CFI: variants seen among roughly 807,000 people sequenced by gnomAD.
CFI encodes the protein complement factor I.
In CFI, 66 loss-of-function variants were observed where a neutral mutation model predicts 78.8. The observed-to-expected ratio is 0.84, with a 90% CI of 0.69 to 1.03. The LOEUF is 1.03. Among genes scored for constraint, CFI ranks in the 50% least tolerant of loss-of-function variants. The pLI is 0.00. For missense variants in CFI, 706 were observed against 704.5 expected (o/e 1.00, Z -0.02); for synonymous variants, 250 against 232.6 (o/e 1.07, Z -0.68).
intron 1 of CFI, among the ~76,000 whole-genome samples, chr4:109,786,927 G>T (rs755283974): frequency 6.6e-6 from 1 of 152,040 alleles, no homozygotes; most frequent in African/African-American, 2.4e-5. Flanking sequence ...CGGGCACAGG[G>T]TGTATTACCC....
At chr4:109,776,874 G>T (rs1363473096) in intron 1 of CFI, among the ~76,000 whole-genome samples, 14 of 152,198 alleles carry the variant, frequency 9.2e-5, no homozygotes, top group Admixed American at 9.2e-4. Flanking sequence ...GACAAACTAA[G>T]CTTCATAAGT....
At chr4:109,778,098 C>A (rs1729511555) in intron 1 of CFI, among the ~76,000 whole-genome samples, 1 of 152,046 alleles carries the variant, frequency 6.6e-6, no homozygotes, top group South Asian at 2.1e-4. Flanking sequence ...CAAACACATT[C>A]AAAAGCTAGC....
At chr4:109,754,797 C>G (rs1410524809) in intron 7 of CFI, among the ~76,000 whole-genome samples, 1 of 152,188 alleles carries the variant, frequency 6.6e-6, no homozygotes, top group Non-Finnish European at 1.5e-5. Context: ...TATTCACATT[C>G]AATGCCCAAC....
Position 109,766,494 on chromosome 4 carries a change from G to A in CFI, c.328+60C>T, listed in dbSNP as rs1391500102. On this transcript the variant is annotated intron_variant, in intron 2 of 12. Transcript: ENST00000394634. ...CAAGAGAATTATTTTCTGATAGAAA[G>A]TATGGCATACAAATACCCTTTTATA... 4 of 1,562,510 alleles carry A rather than the reference G, an allele frequency of 2.6e-6. No individual in the cohort carries two copies. The African/African-American group carries it at 5.4e-5, about 21-fold the overall frequency.
intron 1 of CFI, among the ~76,000 whole-genome samples, chr4:109,772,821 C>T (rs993511267): frequency 6.6e-6 from 1 of 152,106 alleles, no homozygotes; most frequent in Non-Finnish European, 1.5e-5. Context: ...TGGCCTTAAA[C>T]AATCCTCCCA....
In CFI at chr4:109,766,567, T is replaced by C. The variant is rs61745205; in HGVS notation, c.315A>G (p.Thr105=). 9 of 1,614,106 alleles carry C rather than the reference T, an allele frequency of 5.6e-6. No individual in the cohort carries two copies. The highest frequency in any genetic ancestry group is 6.8e-6 in the Non-Finnish European group (8 of 1,180,030). ...GTCTCTTGCTACCTTCGGCTGTGCA[T>C]GTTCCGTTATTTAAAAACTTTGTCC... ...HPGTKFLNNG[T]CTAEGKFSVS... is the part of the protein sequence containing the mutation. The change falls in exon 2 of 13, where the codon ACA becomes ACG. Residue 105 remains threonine (T), a synonymous_variant. Coordinates refer to ENST00000394634, the MANE Select transcript of CFI (RefSeq NM_000204.5).
At chr4:109,743,028 T>TA (rs1170504767) in intron 11 of CFI, among the ~76,000 whole-genome samples, 2 of 152,220 alleles carry the variant, frequency 1.3e-5, no homozygotes. Flanking sequence ...AGGAAATACA[T>TA]ACGAAGTTAT....
chr4:109,766,035 A>G (rs1474757025), intron 2 of CFI, among the ~76,000 whole-genome samples: 1 of 151,978 alleles, frequency 6.6e-6, no homozygotes, highest in African/African-American at 2.4e-5. Flanking sequence ...GGAGAATGGC[A>G]TGAACCCGGG....
intron 7 of CFI, among the ~76,000 whole-genome samples, chr4:109,756,727 G>A (rs1196360263): frequency 2.0e-5 from 3 of 151,548 alleles, no homozygotes; most frequent in Non-Finnish European, 2.9e-5. Context: ...AGGTGTGGTG[G>A]CACGTGCCTG....
intron 1 of CFI, among the ~76,000 whole-genome samples, chr4:109,790,744 C>T (rs1034117230): frequency 5.9e-5 from 9 of 152,120 alleles, no homozygotes; most frequent in African/African-American, 2.2e-4. Flanking sequence ...CTGGCTCCAT[C>T]CATGTTCCTG....
At chr4:109,799,562 T>C (rs533131932) in intron 1 of CFI, among the ~76,000 whole-genome samples, 2 of 152,296 alleles carry the variant, frequency 1.3e-5, no homozygotes, top group Admixed American at 1.3e-4. Flanking sequence ...AAATCTAAGA[T>C]ACATGAAGAA....
At chr4:109,770,157 G>A (rs1728382602) in intron 1 of CFI, among the ~76,000 whole-genome samples, 1 of 152,172 alleles carries the variant, frequency 6.6e-6, no homozygotes, top group Non-Finnish European at 1.5e-5. Context: ...CCAAAATGGA[G>A]TCACTTATGC....
chr4:109,777,558 C>T (rs1178764713), intron 1 of CFI, among the ~76,000 whole-genome samples: 3 of 152,056 alleles, frequency 2.0e-5, no homozygotes, highest in Non-Finnish European at 4.4e-5. Flanking sequence ...CCACTGTCAA[C>T]ATTAGACAGA....
chr4:109,783,958 C>T (rs1730403008), intron 1 of CFI, among the ~76,000 whole-genome samples: 1 of 151,338 alleles, frequency 6.6e-6, no homozygotes, highest in Middle Eastern at 3.2e-3. Context: ...ATCGTACGTT[C>T]TCACTGATAT....
chr4:109,744,333 T>C (rs1307404287), intron 11 of CFI, among the ~76,000 whole-genome samples: 1 of 152,214 alleles, frequency 6.6e-6, no homozygotes, highest in East Asian at 1.9e-4. Flanking sequence ...TATGGTTTAA[T>C]ATACTCCAGG....
chr4:109,788,383 G>C (rs1731003444), intron 1 of CFI, among the ~76,000 whole-genome samples: 1 of 152,008 alleles, frequency 6.6e-6, no homozygotes, highest in South Asian at 2.1e-4. Context: ...CTTGATTACA[G>C]AGTATATATT....
At chr4:109,758,953 C>A (rs181664967) in intron 6 of CFI, among the ~76,000 whole-genome samples, 1 of 152,128 alleles carries the variant, frequency 6.6e-6, no homozygotes, top group Non-Finnish European at 1.5e-5. Context: ...ATTAGCCAAG[C>A]GTGATGGCAC....
At chr4:109,797,960 A>G (rs1732270018) in intron 1 of CFI, among the ~76,000 whole-genome samples, 1 of 152,232 alleles carries the variant, frequency 6.6e-6, no homozygotes, top group Non-Finnish European at 1.5e-5. Context: ...GAATTGATAA[A>G]GAAAATGTGG....
chr4:109,782,860 C>T (rs1730237975), intron 1 of CFI, among the ~76,000 whole-genome samples: 1 of 151,978 alleles, frequency 6.6e-6, no homozygotes, highest in Non-Finnish European at 1.5e-5. Context: ...AATAAGAACC[C>T]AGAAATAAAC....
Sources: gnomAD v4.1 joint callset for allele counts (sites outside exome capture counted in the v4.1 genomes callset) on GRCh38, gnomAD v4.1.1 for gene constraint, MANE v1.5 for transcripts, NCBI Gene and HGNC (gene_info 2026-07-23, HGNC 2026-07-21) for gene names.